The following MYOF variants were observed in gnomAD, a reference collection of about 807,000 sequenced individuals.
MYOF encodes the protein fer-1-like 3, myoferlin.
A neutral mutation model predicts 284.2 loss-of-function variants in MYOF; 244 were observed. That is an observed-to-expected ratio of 0.86 (90% CI 0.77 to 0.95). The LOEUF is 0.95. MYOF is among the 40% of genes least tolerant of loss of function. The pLI is 0.00. For synonymous variants in MYOF, 904 were observed against 919.7 expected, an observed-to-expected ratio of 0.98 and a Z score of 0.31; for missense variants, 2,496 against 2,560.6, an observed-to-expected ratio of 0.97 and a Z score of 0.54.
At chr10:93,453,409 C>A (rs2056649166) in intron 2 of MYOF, among the ~76,000 whole-genome samples, 1 of 151,942 alleles carries the variant, frequency 6.6e-6, no homozygotes, top group African/African-American at 2.4e-5. Flanking sequence ...CATGATCCAC[C>A]CGCCTTGACC....
Position 93,337,867 on chromosome 10 carries a change from C to T in MYOF, c.4385G>A (p.Gly1462Glu). ...ATACTGTCCGCATTTTTCATGTTCC[C>T]CTGAGGAAGCATAAAATTTACTCCA... The part of the protein sequence containing the change: ...DWWSKFYASS[G>E]EHEKCGQYIQ... Residue 1462 changes from glycine to glutamate, a missense_variant, in exon 40 of 54, where the codon GGG becomes GAG. Coordinates refer to ENST00000359263, the MANE Select transcript of MYOF (RefSeq NM_013451.4). 2 of 1,614,020 alleles carry T rather than the reference C, an allele frequency of 1.2e-6. No individual in the cohort carries two copies. The highest frequency in any genetic ancestry group is 1.7e-6 in the Non-Finnish European group (2 of 1,179,994).
At chr10:93,428,566 AACACACACACAC>A (rs58503520) in intron 4 of MYOF, among the ~76,000 whole-genome samples, 1,784 of 143,870 alleles carry the variant, frequency 0.012, 17 homozygotes, top group South Asian at 0.02. Flanking sequence ...ACATCTGGTA[AACACACACACAC>A]ACACACACAC....
At chr10:93,457,909 G>GC (rs1554870690) in intron 1 of MYOF, among the ~76,000 whole-genome samples, 1 of 140,884 alleles carries the variant, frequency 7.1e-6, no homozygotes, top group Non-Finnish European at 1.5e-5. Context: ...ATTTTTCTAT[G>GC]TTTTTTTTTT....
chr10:93,315,803 A>AGGGTT (rs1842589538), intron 50 of MYOF, among the ~76,000 whole-genome samples: 2 of 152,016 alleles, frequency 1.3e-5, no homozygotes, highest in African/African-American at 2.4e-5. Flanking sequence ...GGAGAGCAGA[A>AGGGTT]GAACCTCAGG....
chr10:93,308,976 T>C (rs1047366332), intron 53 of MYOF, among the ~76,000 whole-genome samples: 3 of 152,132 alleles, frequency 2.0e-5, no homozygotes, highest in Non-Finnish European at 4.4e-5. Flanking sequence ...CCTCCCAAAG[T>C]GCCAGGATTA....
intron 3 of MYOF, among the ~76,000 whole-genome samples, chr10:93,449,090 C>T (rs788103): frequency 0.38 from 57,284 of 151,974 alleles, 12,863 homozygotes; most frequent in Non-Finnish European, 0.5. Flanking sequence ...ACTAGCTACA[C>T]GTGGCTACAG....
At chr10:93,325,644 T>C (rs1421867953) in intron 46 of MYOF, among the ~76,000 whole-genome samples, 182 bp downstream of exon 46, 2 of 152,212 alleles carry the variant, frequency 1.3e-5, no homozygotes, top group Non-Finnish European at 2.9e-5. Context: ...TATCTAGATT[T>C]AGAGAGTTAC....
At position 93,431,422 on chromosome 10, in the gene MYOF, C is replaced by T. The variant is rs1564713618; in HGVS notation, c.331G>A (p.Gly111Arg). 6.2e-7 allele frequency: 1 copy of T among 1,613,910 alleles called. No individual in the cohort carries two copies. Among genetic ancestry groups the T allele is most frequent in the South Asian group, 1.1e-5 (1 of 91,076 alleles). Residue 111 changes from glycine (G) to arginine (R), a missense_variant, in exon 4 of 54, where the codon GGG (glycine) becomes AGG (arginine). Physicochemically the swap from Gly to Arg is moderately radical, Grantham distance 125. Around this residue, in one of 3 missense-constraint regions of MYOF, gnomAD observed 2,436 missense variants for 2,480.7 expected, o/e 0.98. Coordinates refer to ENST00000359263, the MANE Select transcript of MYOF (RefSeq NM_013451.4). The part of the protein sequence containing the change: ...YKLISLLNEK[G>R]QDTGATIDLV... ...AAAACACTCACCCCAGTATCTTGCCCTTTTTCATTTAGCAGGGAGATCAGC... is the reference window on the plus strand; with the variant it reads ...AAAACACTCACCCCAGTATCTTGCCTTTTTTCATTTAGCAGGGAGATCAGC...
At chr10:93,317,295 G>A (rs959314994) in intron 49 of MYOF, among the ~76,000 whole-genome samples, 2 of 127,848 alleles carry the variant, frequency 1.6e-5, no homozygotes, top group Admixed American at 1.1e-4. Context: ...TTCTACTTCT[G>A]CTCTTTTATC....
intron 43 of MYOF, among the ~76,000 whole-genome samples, chr10:93,330,401 C>A (rs558000504): frequency 6.5e-4 from 99 of 152,118 alleles, no homozygotes; most frequent in Non-Finnish European, 9.7e-4. Context: ...CCCTCCTCTG[C>A]CTCAATAGAG....
intron 31 of MYOF, among the ~76,000 whole-genome samples, chr10:93,354,799 T>C (rs576124663): frequency 1.9e-4 from 29 of 152,224 alleles, no homozygotes; most frequent in African/African-American, 6.7e-4. Flanking sequence ...CATAAGACTT[T>C]GGGCAAGTTA....
At chr10:93,409,464 G>A (rs767043316) in intron 6 of MYOF, 109 bp downstream of exon 6, 219 of 1,281,992 alleles carry the variant, frequency 1.7e-4, no homozygotes, top group Non-Finnish European at 2.2e-4. Flanking sequence ...TCTCTTTACC[G>A]GTTGAGCCAT....
chr10:93,408,881 C>T lies in MYOF; in HGVS notation c.635G>A (p.Ser212Asn), dbSNP rs1269108936. ...RVRVIEGRQL[S>N]GNNIRPVVKV... Reference sequence around the variant, plus strand: ...GACCACAGGCCTTATGTTGTTACCACTTAACTGTCGGCCCTCAATCACTCG... The same window carrying T: ...GACCACAGGCCTTATGTTGTTACCATTTAACTGTCGGCCCTCAATCACTCG... Residue 212 changes from serine to asparagine, a missense_variant, in exon 7 of 54, where the codon AGT becomes AAT. This residue lies in a region of MYOF where 2,436 missense variants were observed against 2,480.7 expected (regional missense o/e 0.98). Coordinates refer to ENST00000359263, the MANE Select transcript of MYOF (RefSeq NM_013451.4). 1 of 1,614,248 alleles carries T rather than the reference C, an allele frequency of 6.2e-7. No homozygotes were observed. Among genetic ancestry groups the T allele is most frequent in the Non-Finnish European group, 8.5e-7 (1 of 1,180,050 alleles).
intron 7 of MYOF, among the ~76,000 whole-genome samples, chr10:93,408,418 T>C (rs1250305775): frequency 6.6e-6 from 1 of 151,640 alleles, no homozygotes; most frequent in Non-Finnish European, 1.5e-5. Flanking sequence ...ATGCCTGTAA[T>C]CCCAGCGACT....
chr10:93,375,176 G>A (rs1303804969), intron 22 of MYOF, among the ~76,000 whole-genome samples: 1 of 152,220 alleles, frequency 6.6e-6, no homozygotes, highest in Non-Finnish European at 1.5e-5. Flanking sequence ...AATACAGGGA[G>A]ATTAAAATCC....
chr10:93,479,825 G>T (rs113161136), intron 1 of MYOF, among the ~76,000 whole-genome samples: 1 of 152,108 alleles, frequency 6.6e-6, no homozygotes, highest in African/African-American at 2.4e-5. Context: ...AAAAAAGGAG[G>T]CCAGAAAAGA....
At chr10:93,353,709 G>T in intron 32 of MYOF, 102 bp downstream of exon 32, 1 of 937,036 alleles carries the variant, frequency 1.1e-6, no homozygotes, top group Non-Finnish European at 1.6e-6. Flanking sequence ...ACATGTAAAG[G>T]GTTTTTGTTG....
intron 19 of MYOF, among the ~76,000 whole-genome samples, chr10:93,384,959 C>A (rs540300549): frequency 6.6e-6 from 1 of 152,194 alleles, no homozygotes; most frequent in Non-Finnish European, 1.5e-5. Context: ...GGAGCTGATA[C>A]CTGATGGAGC....
intron 27 of MYOF, among the ~76,000 whole-genome samples, chr10:93,362,452 C>T (rs1209482360): frequency 6.6e-6 from 1 of 151,856 alleles, no homozygotes; most frequent in African/African-American, 2.4e-5. Context: ...ATCATGTTGG[C>T]CAGGCTGATC....
Sources: gnomAD v4.1 joint callset for allele counts (sites outside exome capture counted in the v4.1 genomes callset) on GRCh38, gnomAD v4.1.1 for gene constraint, gnomAD v4.1.1 regional missense constraint, MANE v1.5 for transcripts, NCBI Gene and HGNC (gene_info 2026-07-23, HGNC 2026-07-21) for gene names.